NAV2: variants seen among roughly 807,000 people sequenced by gnomAD.
The protein encoded by NAV2 is helicase, APC down-regulated 1.
A neutral mutation model predicts 223.2 loss-of-function variants in NAV2; 54 were observed. That is an observed-to-expected ratio of 0.24 (90% CI 0.19 to 0.30). The LOEUF is 0.30. Among genes scored for constraint, NAV2 ranks in the 10% least tolerant of loss-of-function variants. NAV2 has a pLI of 1.00. For synonymous variants in NAV2, 1,279 were observed against 1,239.3 expected, an observed-to-expected ratio of 1.03 and a Z score of -0.67; for missense variants, 2,806 against 3,147.5, an observed-to-expected ratio of 0.89 and a Z score of 2.60.
intron 1 of NAV2, among the ~76,000 whole-genome samples, chr11:19,547,539 G>A (rs1466708223): frequency 2.0e-5 from 3 of 152,142 alleles, no homozygotes; most frequent in Non-Finnish European, 2.9e-5. Context: ...TGCACACTGT[G>A]TAATCAGGCA....
chr11:19,560,318 G>T (rs1168191831), intron 1 of NAV2, among the ~76,000 whole-genome samples: 1 of 152,176 alleles, frequency 6.6e-6, no homozygotes, highest in East Asian at 1.9e-4. Context: ...CTTCCTGCCT[G>T]CGAGAAAACA....
At chr11:19,421,190 T>C (rs1172138763) in intron 1 of NAV2, among the ~76,000 whole-genome samples, 2 of 152,198 alleles carry the variant, frequency 1.3e-5, no homozygotes, top group African/African-American at 4.8e-5. Context: ...CCCTCTCAGC[T>C]GCATCCCAAA....
chr11:20,065,623 G>C (rs1054261507), intron 20 of NAV2, among the ~76,000 whole-genome samples: 1 of 152,178 alleles, frequency 6.6e-6, no homozygotes, highest in Non-Finnish European at 1.5e-5. Flanking sequence ...GGCAAGGGGG[G>C]CAAGATACAA....
intron 11 of NAV2, among the ~76,000 whole-genome samples, chr11:20,026,590 G>A (rs2055103465): frequency 6.6e-6 from 1 of 152,226 alleles, no homozygotes; most frequent in Non-Finnish European, 1.5e-5. Flanking sequence ...GATTACAGGC[G>A]TGAGCCATCG....
rs2047167537 is a variant in NAV2, at chr11:19,949,062, C to T, written c.2627C>T (p.Thr876Ile). ...GATGTTCTGAGCAAGAACATCCGGACCGATGACATTACAAGCGGGTAAGTA... is the reference window on the plus strand; with the variant it reads ...GATGTTCTGAGCAAGAACATCCGGATCGATGACATTACAAGCGGGTAAGTA... ...DGDVLSKNIR[T>I]DDITSGYMTD... The change falls in exon 10 of 38, where the codon ACC (threonine) becomes ATC (isoleucine). Residue 876 changes from threonine to isoleucine, a missense_variant. Physicochemically the swap from Thr to Ile is moderately conservative, Grantham distance 89 (BLOSUM62 -1). This residue lies in a region of NAV2 where 1,167 missense variants were observed against 1,180.5 expected (regional missense o/e 0.99). Transcript: ENST00000349880. 3 of 1,608,202 alleles carry T rather than the reference C, an allele frequency of 1.9e-6. No individual in the cohort carries two copies. The highest frequency in any genetic ancestry group is 1.3e-5 in the African/African-American group (1 of 74,946).
intron 1 of NAV2, among the ~76,000 whole-genome samples, chr11:19,532,953 T>A (rs1052912642): frequency 2.6e-5 from 4 of 152,170 alleles, no homozygotes; most frequent in Non-Finnish European, 4.4e-5. Flanking sequence ...GACTCTCGGT[T>A]TAGTGCTCTT....
chr11:19,891,756 T>C (rs2041513415), intron 5 of NAV2, among the ~76,000 whole-genome samples: 2 of 152,136 alleles, frequency 1.3e-5, no homozygotes, highest in African/African-American at 2.4e-5. Context: ...CCACTATAAA[T>C]TGTCCTTTTC....
chr11:19,726,115 T>C (rs1175743842), intron 1 of NAV2, among the ~76,000 whole-genome samples: 1 of 152,134 alleles, frequency 6.6e-6, no homozygotes, highest in African/African-American at 2.4e-5. Context: ...AGGAGATATA[T>C]CAATAAAAGA....
chr11:19,529,047 T>C (rs945075594), intron 1 of NAV2, among the ~76,000 whole-genome samples: 2 of 151,936 alleles, frequency 1.3e-5, no homozygotes, highest in African/African-American at 4.8e-5. Context: ...AGAAAGGGCG[T>C]TTTGGCACGT....
At chr11:19,644,151 A>G (rs1183331907) in intron 1 of NAV2, among the ~76,000 whole-genome samples, 1 of 152,240 alleles carries the variant, frequency 6.6e-6, no homozygotes, top group Admixed American at 6.5e-5. Flanking sequence ...TGTACACAGC[A>G]GAAGCATGTA....
At chr11:19,565,378 T>C (rs1414378391) in intron 1 of NAV2, among the ~76,000 whole-genome samples, 1 of 152,208 alleles carries the variant, frequency 6.6e-6, no homozygotes, top group Non-Finnish European at 1.5e-5. Context: ...TGTTCTCCAA[T>C]TAAAGGTCCC....
intron 1 of NAV2, among the ~76,000 whole-genome samples, chr11:19,589,410 A>G (rs1349451695): frequency 1.3e-5 from 2 of 152,184 alleles, no homozygotes; most frequent in African/African-American, 4.8e-5. Flanking sequence ...CTGTGCTGTG[A>G]TGTGGAGAGT....
intron 11 of NAV2, among the ~76,000 whole-genome samples, chr11:20,010,668 G>A (rs907289306): frequency 1.3e-5 from 2 of 152,138 alleles, no homozygotes; most frequent in African/African-American, 4.8e-5. Context: ...TCTCATTACT[G>A]CTAATTGCAG....
At position 20,103,683 on chromosome 11, in the gene NAV2, T is replaced by A; in HGVS notation, c.6603T>A (p.Ala2201=). Residue 2201 remains alanine, a synonymous_variant, in exon 34 of 38, where the codon GCT becomes GCA. Coordinates refer to ENST00000349880, the MANE Select transcript of NAV2 (RefSeq NM_145117.5). ...CPYIIGTMNQ[A]TSSTPNLQLH... ...ACATAATTGGCACAATGAACCAGGCTACCTCTTCGACTCCCAACCTGCAGC... is the reference window on the plus strand; with the variant it reads ...ACATAATTGGCACAATGAACCAGGCAACCTCTTCGACTCCCAACCTGCAGC... 1 of 1,614,210 alleles carries A rather than the reference T, an allele frequency of 6.2e-7. No homozygotes were observed. The highest frequency in any genetic ancestry group is 8.5e-7 in the Non-Finnish European group (1 of 1,180,034).
intron 3 of NAV2, among the ~76,000 whole-genome samples, chr11:19,847,292 A>C (rs1445003207): frequency 3.9e-5 from 6 of 152,128 alleles, no homozygotes; most frequent in African/African-American, 1.2e-4. Context: ...TTATTATTTT[A>C]AGCAGCTTGG....
chr11:20,020,709 T>C (rs2054426252), intron 11 of NAV2, among the ~76,000 whole-genome samples: 1 of 152,204 alleles, frequency 6.6e-6, no homozygotes. Context: ...GTGTTGTACA[T>C]TTACATGAAC....
chr11:19,746,616 T>C (rs994805158), intron 1 of NAV2, among the ~76,000 whole-genome samples: 1 of 152,202 alleles, frequency 6.6e-6, no homozygotes, highest in Non-Finnish European at 1.5e-5. Flanking sequence ...CAATTTGAAA[T>C]GGATTTATTC....
chr11:20,008,355 C>CA (rs573764006), intron 11 of NAV2, among the ~76,000 whole-genome samples: 8 of 148,602 alleles, frequency 5.4e-5, no homozygotes, highest in East Asian at 3.9e-4. Flanking sequence ...GAGACTGTCT[C>CA]AAAAAAAAAA....
At chr11:20,080,334 T>A in intron 25 of NAV2, 125 bp downstream of exon 25, 1 of 864,276 alleles carries the variant, frequency 1.2e-6, no homozygotes, top group Non-Finnish European at 1.8e-6. Flanking sequence ...TGGGCGTAGA[T>A]CCCAGGAAAT....
Sources: gnomAD v4.1 joint callset for allele counts (sites outside exome capture counted in the v4.1 genomes callset) on GRCh38, gnomAD v4.1.1 for gene constraint, gnomAD v4.1.1 regional missense constraint, MANE v1.5 for transcripts, NCBI Gene and HGNC (gene_info 2026-07-23, HGNC 2026-07-21) for gene names.